PARD6G: variants seen among roughly 807,000 people sequenced by gnomAD.
PARD6G encodes the protein partitioning defective 6 homolog gamma.
A neutral mutation model predicts 10.7 loss-of-function variants in PARD6G; 7 were observed. That is an observed-to-expected ratio of 0.66 (90% CI 0.37 to 1.23). PARD6G has a LOEUF of 1.23. Among genes scored for constraint, PARD6G ranks in the 50% most tolerant of loss-of-function variants. The pLI is 0.02. For missense variants in PARD6G, 548 were observed against 571.8 expected (o/e 0.96, Z 0.42); for synonymous variants, 287 against 269.4 (o/e 1.07, Z -0.64).
intron 2 of PARD6G, among the ~76,000 whole-genome samples, chr18:80,167,011 G>A (rs1337213741): frequency 6.6e-6 from 1 of 152,088 alleles, no homozygotes; most frequent in Non-Finnish European, 1.5e-5. Flanking sequence ...ATCTAAAGGT[G>A]CAGGGCTCCG....
At chr18:80,166,060 A>C (rs951734750) in intron 2 of PARD6G, among the ~76,000 whole-genome samples, 1 of 152,146 alleles carries the variant, frequency 6.6e-6, no homozygotes, top group Non-Finnish European at 1.5e-5. Flanking sequence ...CCTGGGCAAG[A>C]AGAGCAAAAC....
rs1207232636 is a variant in PARD6G, at chr18:80,184,898, T to G, written c.295+17812A>C. ...AACTCTGTGAACACACTAAAAACAC[T>G]GGCTTGGACAACCTAAATGGTCGGA... On this transcript the variant is annotated intron_variant, in intron 2 of 2. Coordinates refer to ENST00000353265, the MANE Select transcript of PARD6G (RefSeq NM_032510.4). This position sits in a 1 kb window ranked among gnomAD's most constrained non-coding sequence, Gnocchi z 4.5. 6.6e-6 allele frequency: 1 copy of G among 152,212 alleles called. No individual in the cohort carries two copies. The highest frequency in any genetic ancestry group is 2.4e-5 in the African/African-American group (1 of 41,448). 9.4% of individuals were successfully genotyped at this position (152,212 alleles called of 1,614,324 possible).
intron 2 of PARD6G, among the ~76,000 whole-genome samples, chr18:80,195,678 G>A (rs184330971): frequency 2.7e-5 from 4 of 149,422 alleles, no homozygotes; most frequent in Non-Finnish European, 4.4e-5. Flanking sequence ...AGGAGTTCCA[G>A]ACTGGCCAAA....
chr18:80,190,552 G>C (rs561153816), intron 2 of PARD6G, among the ~76,000 whole-genome samples: 1 of 152,330 alleles, frequency 6.6e-6, no homozygotes, highest in East Asian at 1.9e-4. Flanking sequence ...CTGTGGGGAG[G>C]AGGCATGGAA....
intron 2 of PARD6G, among the ~76,000 whole-genome samples, chr18:80,163,237 G>A (rs990631282): frequency 3.3e-5 from 5 of 152,162 alleles, no homozygotes; most frequent in Admixed American, 1.3e-4. Flanking sequence ...TCAGAGCCAC[G>A]AGCAGCAGGG....
chr18:80,216,977 G>C (rs1422111555), intron 1 of PARD6G, among the ~76,000 whole-genome samples: 1 of 152,088 alleles, frequency 6.6e-6, no homozygotes, highest in Non-Finnish European at 1.5e-5. Flanking sequence ...TAGTAGCAAT[G>C]ATCACACCTA....
At chr18:80,185,920 ACC>A (rs2052872938) in intron 2 of PARD6G, among the ~76,000 whole-genome samples, 1 of 129,292 alleles carries the variant, frequency 7.7e-6, no homozygotes, top group Non-Finnish European at 1.6e-5. Context: ...ACATGCATAC[ACC>A]CTCACGCGGG....
intron 2 of PARD6G, among the ~76,000 whole-genome samples, chr18:80,177,340 A>ATG (rs1334642778): frequency 4.1e-5 from 6 of 147,826 alleles, no homozygotes; most frequent in African/African-American, 7.4e-5. Context: ...GCACACACAC[A>ATG]CATACACACA....
At chr18:80,203,052 T>G (rs1044568912) in intron 1 of PARD6G, 120 bp from the exon 2 acceptor site, 27 of 673,624 alleles carry the variant, frequency 4.0e-5, no homozygotes, top group Non-Finnish European at 6.6e-5. Flanking sequence ...TTTTCTTTAA[T>G]CAATCATCCA....
intron 2 of PARD6G, among the ~76,000 whole-genome samples, chr18:80,179,822 T>G (rs1231702750): frequency 6.6e-6 from 1 of 152,238 alleles, no homozygotes; most frequent in Non-Finnish European, 1.5e-5. Flanking sequence ...ACTGTTATTA[T>G]CAAAAGCAAA....
At position 80,216,307 on chromosome 18, in the gene PARD6G, A is replaced by C. The variant is rs565828869; in HGVS notation, c.73-13375T>G. On this transcript the variant is annotated intron_variant, in intron 1 of 2. Coordinates refer to ENST00000353265, the MANE Select transcript of PARD6G (RefSeq NM_032510.4). ...ACATCTGTATAATACTGCACCCAAC[A>C]ACTGCACAATAAATATTCTTCAAGT... is the stretch of plus-strand genomic sequence containing the variant. 1.1e-4 allele frequency among the ~76,000 whole-genome samples: 17 copies of C among 152,266 alleles called. No individual in the cohort carries two copies. The South Asian group carries it at 2.3e-3, about 20-fold the overall frequency.
At chr18:80,195,548 C>CGTATATAT in intron 2 of PARD6G, among the ~76,000 whole-genome samples, 1 of 82,218 alleles carries the variant, frequency 1.2e-5, no homozygotes, top group South Asian at 5.5e-4. Context: ...TTCAAAGATA[C>CGTATATAT]ATATATATAT....
chr18:80,244,427 G>GCA (rs1967521258), intron 1 of PARD6G, among the ~76,000 whole-genome samples: 1 of 152,036 alleles, frequency 6.6e-6, no homozygotes, highest in Non-Finnish European at 1.5e-5. Flanking sequence ...GGCCCCTCGC[G>GCA]CACACACACC....
chr18:80,216,781 G>A (rs776425215), intron 1 of PARD6G, among the ~76,000 whole-genome samples: 8 of 151,942 alleles, frequency 5.3e-5, no homozygotes, highest in Admixed American at 1.3e-4. Flanking sequence ...GGAAATAAAC[G>A]GAAGACTCAA....
chr18:80,186,828 G>A (rs1568432222), intron 2 of PARD6G, among the ~76,000 whole-genome samples: 1 of 152,166 alleles, frequency 6.6e-6, no homozygotes, highest in Non-Finnish European at 1.5e-5. Flanking sequence ...AAGAAATCAA[G>A]GAAGGGCTGG....
intron 2 of PARD6G, among the ~76,000 whole-genome samples, chr18:80,187,016 G>A (rs1184309883): frequency 2.0e-5 from 3 of 151,884 alleles, no homozygotes; most frequent in Admixed American, 1.3e-4. Context: ...GGAGAATGGC[G>A]TGAACCCGGG....
At chr18:80,166,433 C>T (rs1431788044) in intron 2 of PARD6G, among the ~76,000 whole-genome samples, 1 of 151,408 alleles carries the variant, frequency 6.6e-6, no homozygotes, top group East Asian at 1.9e-4. Flanking sequence ...GACCCTCGGT[C>T]ATGGGGGCAT....
chr18:80,183,216 G>C lies in PARD6G; in HGVS notation c.295+19494C>G, dbSNP rs2052856738. 1 of 702,628 alleles carries C rather than the reference G, an allele frequency of 1.4e-6. No individual in the cohort carries two copies. Among genetic ancestry groups the C allele is most frequent in the Admixed American group, 2.0e-5 (1 of 49,970 alleles). 43.5% of individuals were successfully genotyped at this position (702,628 alleles called of 1,614,324 possible). Reference sequence around the variant, plus strand: ...TGAAAGGGTGGGAGAGAGAAAGCCAGAGAGACTTCTGCAAAACAAGCTGCA... The same window carrying C: ...TGAAAGGGTGGGAGAGAGAAAGCCACAGAGACTTCTGCAAAACAAGCTGCA... On this transcript the variant is annotated intron_variant, in intron 2 of 2. Transcript: ENST00000353265. The surrounding 1 kb of genome is among the most constrained non-coding windows in gnomAD (Gnocchi z 4.5).
In PARD6G at chr18:80,192,244, C is replaced by T. The variant is rs763071825; in HGVS notation, c.295+10466G>A. Reference sequence around the variant, plus strand: ...AAGAACATCAATGAACACTCTCCTTCGGTGGTCTCTGAGTCGTCCCTGAGG... The same window carrying T: ...AAGAACATCAATGAACACTCTCCTTTGGTGGTCTCTGAGTCGTCCCTGAGG... On this transcript the variant is annotated intron_variant, in intron 2 of 2. Coordinates refer to ENST00000353265, the MANE Select transcript of PARD6G (RefSeq NM_032510.4). The surrounding 1 kb of genome is among the most constrained non-coding windows in gnomAD (Gnocchi z 4.9). 4.6e-5 allele frequency among the ~76,000 whole-genome samples: 7 copies of T among 152,224 alleles called. No individual in the cohort carries two copies. The highest frequency in any genetic ancestry group is 8.8e-5 in the Non-Finnish European group (6 of 68,030).
Sources: gnomAD v4.1 joint callset for allele counts (sites outside exome capture counted in the v4.1 genomes callset) on GRCh38, gnomAD v4.1.1 for gene constraint, Gnocchi (gnomAD v3.1) non-coding constraint, MANE v1.5 for transcripts, NCBI Gene and HGNC (gene_info 2026-07-23, HGNC 2026-07-21) for gene names.